TTLL11: variants seen among roughly 807,000 people sequenced by gnomAD.
The protein encoded by TTLL11 is tubulin tyrosine ligase like 11.
Under a neutral mutation model 51.7 loss-of-function variants are expected in TTLL11, and 42 were observed. The ratio of observed to expected loss-of-function variants is 0.81; its 90% CI spans 0.64 to 1.05. TTLL11 has a LOEUF of 1.05. Ranked by LOEUF, TTLL11 falls within the 50% of genes least tolerant of loss-of-function variation. The pLI is 0.00. For missense variants in TTLL11, 799 were observed against 940.4 expected, an observed-to-expected ratio of 0.85 and a Z score of 1.97; for synonymous variants, 381 against 383.5, an observed-to-expected ratio of 0.99 and a Z score of 0.08.
chr9:121,915,990 T>TACACACACACACAC (rs59554930), intron 6 of TTLL11, among the ~76,000 whole-genome samples: 1 of 134,252 alleles, frequency 7.4e-6, no homozygotes, highest in Non-Finnish European at 1.6e-5. Context: ...GACACACACA[T>TACACACACACACAC]ACACACACAC....
intron 4 of TTLL11, among the ~76,000 whole-genome samples, chr9:121,985,171 A>G (rs1286446038): frequency 6.6e-6 from 1 of 152,248 alleles, no homozygotes; most frequent in African/African-American, 2.4e-5. Context: ...GAATGCTGCA[A>G]TCTGAGTCAA....
chr9:121,874,508 T>G (rs1304366237), intron 6 of TTLL11, among the ~76,000 whole-genome samples: 1 of 152,230 alleles, frequency 6.6e-6, no homozygotes, highest in East Asian at 1.9e-4. Context: ...TTTGATTTCT[T>G]ATCTATATTT....
At position 122,065,692 on chromosome 9, in the gene TTLL11, G is replaced by C. The variant is rs77404191; in HGVS notation, c.463-26324C>G. Among the ~76,000 whole-genome samples the C allele has an allele frequency of 8.1e-4, 124 of 152,260 alleles. 1 individual carries two copies. The highest frequency in any genetic ancestry group is 2.8e-3 in the African/African-American group (118 of 41,544). On this transcript the variant is annotated intron_variant, in intron 1 of 8. Transcript: ENST00000321582. ...TAGATAAATTAATGAACCTCTCTGA[G>C]CTGCATTTTCCCAAACTGCACATGG... is the stretch of plus-strand genomic sequence containing the variant.
At chr9:121,886,389 G>A (rs534527581) in intron 6 of TTLL11, among the ~76,000 whole-genome samples, 1 of 152,160 alleles carries the variant, frequency 6.6e-6, no homozygotes, top group Non-Finnish European at 1.5e-5. Flanking sequence ...CCTAAATCTG[G>A]GGACAGATGT....
chr9:121,886,019 G>A (rs561339139), intron 6 of TTLL11, among the ~76,000 whole-genome samples: 9 of 152,222 alleles, frequency 5.9e-5, no homozygotes, highest in South Asian at 2.1e-4. Context: ...ATGAGCCACC[G>A]TGCCCAGCCT....
chr9:121,972,134 G>GAAAAAAAAAA (rs71371905), intron 6 of TTLL11, among the ~76,000 whole-genome samples: 2 of 115,752 alleles, frequency 1.7e-5, no homozygotes. Flanking sequence ...GTATGAAAAA[G>GAAAAAAAAAA]AAAAAAAAAA....
intron 6 of TTLL11, among the ~76,000 whole-genome samples, chr9:121,897,015 A>G (rs914137955): frequency 6.6e-6 from 1 of 152,084 alleles, no homozygotes; most frequent in African/African-American, 2.4e-5. Context: ...GGCCACATTA[A>G]TTTGCGTTTG....
At chr9:121,928,303 C>A (rs1346721966) in intron 6 of TTLL11, among the ~76,000 whole-genome samples, 1 of 152,118 alleles carries the variant, frequency 6.6e-6, no homozygotes, top group Non-Finnish European at 1.5e-5. Context: ...AAAAACTGCA[C>A]CTATTTAGTG....
chr9:121,927,120 T>C (rs1200305751), intron 6 of TTLL11, among the ~76,000 whole-genome samples: 1 of 152,208 alleles, frequency 6.6e-6, no homozygotes, highest in African/African-American at 2.4e-5. Context: ...GATTTCAACA[T>C]ATGTATTTGG....
intron 6 of TTLL11, among the ~76,000 whole-genome samples, chr9:121,942,667 G>A (rs914675282): frequency 2.7e-5 from 4 of 150,804 alleles, no homozygotes; most frequent in South Asian, 2.1e-4. Flanking sequence ...TCAGGCTCTC[G>A]CAGTCTAGTT....
chr9:122,053,736 G>A (rs1845222807), intron 1 of TTLL11, among the ~76,000 whole-genome samples: 3 of 152,144 alleles, frequency 2.0e-5, no homozygotes, highest in Admixed American at 2.0e-4. Flanking sequence ...ATGGCTCCGC[G>A]TGCAAGGACT....
intron 4 of TTLL11, among the ~76,000 whole-genome samples, chr9:121,975,928 T>G (rs1175030883): frequency 2.0e-5 from 3 of 152,210 alleles, no homozygotes; most frequent in Non-Finnish European, 4.4e-5. Flanking sequence ...TGAATCCTCA[T>G]GACAGCGTAT....
At chr9:121,988,763 A>G (rs994451379) in intron 4 of TTLL11, 1 of 210,990 alleles carries the variant, frequency 4.7e-6, no homozygotes, top group Non-Finnish European at 9.4e-6. Context: ...CTCTCACAAC[A>G]GACTCTATGC....
At position 121,836,526 on chromosome 9, in the gene TTLL11, C is replaced by T. The variant is rs144497207; in HGVS notation, c.1841-13647G>A. Among the ~76,000 whole-genome samples, 254 of 152,326 alleles carry T rather than the reference C, an allele frequency of 1.7e-3. 1 individual carries two copies. The highest frequency in any genetic ancestry group is 5.9e-3 in the African/African-American group (244 of 41,568). On this transcript the variant is annotated intron_variant, in intron 8 of 8. Transcript: ENST00000321582. Reference sequence around the variant, plus strand: ...CTGAAATGTGCAAAACCTCCCCCGACACCCCAGTTTAACACAGAGTAAATC... The same window carrying T: ...CTGAAATGTGCAAAACCTCCCCCGATACCCCAGTTTAACACAGAGTAAATC...
At chr9:122,086,435 T>C (rs1464593293) in intron 1 of TTLL11, among the ~76,000 whole-genome samples, 1 of 152,136 alleles carries the variant, frequency 6.6e-6, no homozygotes, top group Admixed American at 6.5e-5. Flanking sequence ...TTAAATATGG[T>C]GCTTTTTTTT....
At chr9:121,945,625 T>C (rs956729922) in intron 6 of TTLL11, among the ~76,000 whole-genome samples, 1 of 152,236 alleles carries the variant, frequency 6.6e-6, no homozygotes, top group African/African-American at 2.4e-5. Context: ...ATTCATTCCC[T>C]CTGCTTCCTA....
intron 6 of TTLL11, among the ~76,000 whole-genome samples, chr9:121,871,558 G>T (rs1489692125): frequency 6.6e-6 from 1 of 152,168 alleles, no homozygotes; most frequent in African/African-American, 2.4e-5. Flanking sequence ...CTGTAGCAAA[G>T]GCCCTCCTGC....
chr9:121,938,506 C>G (rs1588140095), intron 6 of TTLL11, among the ~76,000 whole-genome samples: 1 of 152,000 alleles, frequency 6.6e-6, no homozygotes, highest in Non-Finnish European at 1.5e-5. Context: ...CAAATTATAG[C>G]CTAAGAGACC....
chr9:121,936,651 G>C (rs1841234975), intron 6 of TTLL11, among the ~76,000 whole-genome samples: 1 of 152,140 alleles, frequency 6.6e-6, no homozygotes, highest in Non-Finnish European at 1.5e-5. Context: ...GCCAGAGCAG[G>C]CTCGTGCTAG....
Sources: allele counts gnomAD v4.1 joint callset (sites outside exome capture counted in the v4.1 genomes callset), GRCh38; gene constraint gnomAD v4.1.1; transcripts MANE v1.5; gene names NCBI Gene and HGNC (gene_info 2026-07-23, HGNC 2026-07-21).